Variants in BBS12 observed in about 807,000 individuals in gnomAD.
BBS12 encodes the protein Bardet-Biedl syndrome 12.
BBS12 carries 5 observed loss-of-function variants against 5.6 expected under a neutral mutation model. That is an observed-to-expected ratio of 0.89 (90% CI 0.46 to 1.86). The LOEUF (loss-of-function observed/expected upper bound fraction) is 1.86. Among genes scored for constraint, BBS12 ranks in the 40% most tolerant of loss-of-function variants. The pLI is 0.01. For missense variants in BBS12, 748 were observed against 830.4 expected, an observed-to-expected ratio of 0.90 and a Z score of 1.22; for synonymous variants, 308 against 306.8, an observed-to-expected ratio of 1.00 and a Z score of -0.04.
At chr4:122,741,755 AC>A in intron 1 of BBS12, 127 bp from the exon 2 acceptor site, 1 of 749,230 alleles carries the variant, frequency 1.3e-6, no homozygotes, top group Non-Finnish European at 2.3e-6. Context: ...GTATCATTGC[AC>A]TGACCACTTT....
At chr4:122,741,817 T>C in intron 1 of BBS12, 66 bp from the exon 2 acceptor site, 1 of 1,388,814 alleles carries the variant, frequency 7.2e-7, no homozygotes, top group Non-Finnish European at 1.0e-6. Context: ...TTGTTTTTAT[T>C]TCTATATAGC....
intron 1 of BBS12, among the ~76,000 whole-genome samples, chr4:122,738,336 G>A (rs1001797372): frequency 4.6e-5 from 7 of 151,984 alleles, no homozygotes; most frequent in African/African-American, 7.3e-5. Flanking sequence ...TCAGCCTCCT[G>A]AGTGGCTGGG....
At chr4:122,715,046 AAGG>A in the BBS12 span, among the ~76,000 whole-genome samples, 4 of 152,104 alleles carry the variant, frequency 2.6e-5, no homozygotes, top group East Asian at 7.7e-4. Flanking sequence ...TAAAGACTTG[AAGG>A]AGAATGACAA....
upstream of BBS12, chr4:122,730,599 C>A (rs1800684618): frequency 6.6e-6 from 1 of 152,240 alleles, no homozygotes; most frequent in South Asian, 2.1e-4. Flanking sequence ...TCGTTTATTT[C>A]TCCATCTCTA....
At chr4:122,730,768 CATAA>C (rs1001746779), upstream of BBS12, 297 of 143,892 alleles carry the variant, frequency 2.1e-3, no homozygotes, top group African/African-American at 7.1e-3. Context: ...TAAATTATCA[CATAA>C]GTTATAATTA....
Position 122,739,500 on chromosome 4 carries a change from C to T in BBS12, c.-10-2383C>T, listed in dbSNP as rs76481473. Reference sequence around the variant, plus strand: ...CCTTTTCACCCAAATCATGAATGACCAGTGAAAAGCAACTTATTTCAGAGG... The same window carrying T: ...CCTTTTCACCCAAATCATGAATGACTAGTGAAAAGCAACTTATTTCAGAGG... On this transcript the variant is annotated intron_variant, in intron 1 of 1. Coordinates refer to ENST00000314218, the MANE Select transcript of BBS12 (RefSeq NM_152618.3). Among the ~76,000 whole-genome samples the T allele has an allele frequency of 6.9e-3, 1,053 of 152,328 alleles. 13 individuals are homozygous for T. The highest frequency in any genetic ancestry group is 0.024 in the African/African-American group (1,010 of 41,564).
chr4:122,714,979 C>T, the BBS12 span, among the ~76,000 whole-genome samples: 1 of 151,818 alleles, frequency 6.6e-6, no homozygotes, highest in African/African-American at 2.4e-5. Context: ...TTAGTTAGGG[C>T]CACCCAACAC....
chr4:122,740,654 G>T (rs1800855840), intron 1 of BBS12, among the ~76,000 whole-genome samples: 1 of 152,168 alleles, frequency 6.6e-6, no homozygotes, highest in African/African-American at 2.4e-5. Context: ...CTAAATGCAT[G>T]AATGAATGAA....
At chr4:122,713,228 A>G in the BBS12 span, among the ~76,000 whole-genome samples, 13 of 152,190 alleles carry the variant, frequency 8.5e-5, no homozygotes, top group Admixed American at 5.9e-4. Context: ...TGCCTATTTT[A>G]TGGTGTAAAG....
chr4:122,702,040 G>A, the BBS12 span, among the ~76,000 whole-genome samples: 1 of 152,248 alleles, frequency 6.6e-6, no homozygotes, highest in African/African-American at 2.4e-5. Context: ...AAAGCAACCA[G>A]AATTTCTTCT....
At chr4:122,715,170 A>C in the BBS12 span, among the ~76,000 whole-genome samples, 1 of 151,836 alleles carries the variant, frequency 6.6e-6, no homozygotes, top group South Asian at 2.1e-4. Flanking sequence ...CGCAAACTAC[A>C]TGCTTAGCCA....
intron 1 of BBS12, among the ~76,000 whole-genome samples, chr4:122,734,700 G>C (rs574673165): frequency 6.6e-6 from 1 of 152,220 alleles, no homozygotes; most frequent in Non-Finnish European, 1.5e-5. Flanking sequence ...CAATTAAATG[G>C]CGGAGTAGTA....
At chr4:122,715,726 A>T in the BBS12 span, among the ~76,000 whole-genome samples, 5 of 152,200 alleles carry the variant, frequency 3.3e-5, no homozygotes, top group African/African-American at 1.2e-4. Context: ...AAGTAAAAGA[A>T]ACCTACACAT....
At chr4:122,703,600 T>C in the BBS12 span, among the ~76,000 whole-genome samples, 1 of 152,112 alleles carries the variant, frequency 6.6e-6, no homozygotes, top group Non-Finnish European at 1.5e-5. Context: ...TCAAAGCTGG[T>C]GAGAAGGTGC....
upstream of BBS12, chr4:122,730,626 C>G (rs1056277491): frequency 6.6e-6 from 1 of 152,270 alleles, no homozygotes; most frequent in Non-Finnish European, 1.5e-5. Flanking sequence ...TCAGCTTCAT[C>G]AAGCATTTCC....
chr4:122,743,826 G>T lies in BBS12; in HGVS notation c.1934G>T (p.Ser645Ile). ...TTGAATGAATATAGTAAACTAAATA[G>T]TAGAATTTTTAATTCAGACATTTCA... ...YILNEYSKLN[S>I]RIFNSDISNK... The change falls in exon 2 of 2, where the codon AGT becomes ATT. Residue 645 changes from serine (S) to isoleucine (I), a missense_variant. Physicochemically the swap from Ser to Ile is moderately radical, Grantham distance 142. Coordinates refer to ENST00000314218, the MANE Select transcript of BBS12 (RefSeq NM_152618.3). 6.2e-7 allele frequency: 1 copy of T among 1,606,914 alleles called. No homozygotes were observed. Among genetic ancestry groups the T allele is most frequent in the Admixed American group, 1.7e-5 (1 of 58,600 alleles).
chr4:122,725,897 CAAAAAA>C, the BBS12 span, among the ~76,000 whole-genome samples: 27 of 52,526 alleles, frequency 5.1e-4, no homozygotes, highest in South Asian at 9.8e-4. Context: ...GACTCTGTCT[CAAAAAA>C]AAAAAAAAAA....
At chr4:122,737,968 C>T (rs1800808375) in intron 1 of BBS12, among the ~76,000 whole-genome samples, 1 of 152,202 alleles carries the variant, frequency 6.6e-6, no homozygotes, top group South Asian at 2.1e-4. Flanking sequence ...TGGATATCCA[C>T]ATGCAAAAGA....
chr4:122,705,479 T>C, the BBS12 span, among the ~76,000 whole-genome samples: 1 of 152,218 alleles, frequency 6.6e-6, no homozygotes, highest in African/African-American at 2.4e-5. Flanking sequence ...AGCTAACTGA[T>C]AAAATCATTT....
Sources: gnomAD v4.1 joint callset for allele counts (sites outside exome capture counted in the v4.1 genomes callset) on GRCh38, gnomAD v4.1.1 for gene constraint, MANE v1.5 for transcripts, NCBI Gene and HGNC (gene_info 2026-07-23, HGNC 2026-07-21) for gene names.